Variants in PRIM2 observed in about 807,000 individuals in gnomAD.
The protein encoded by PRIM2 is DNA primase large subunit.
Under a neutral mutation model 67.3 loss-of-function variants are expected in PRIM2, and 39 were observed. The ratio of observed to expected loss-of-function variants is 0.58; its 90% CI spans 0.45 to 0.76. PRIM2 has a LOEUF of 0.76. Ranked by LOEUF, PRIM2 falls within the 30% of genes least tolerant of loss-of-function variation. PRIM2 has a pLI of 0.00. For missense variants in PRIM2, 398 were observed against 598.7 expected, an observed-to-expected ratio of 0.66 and a Z score of 3.50; for synonymous variants, 143 against 198.7, an observed-to-expected ratio of 0.72 and a Z score of 2.36.
intron 5 of PRIM2, among the ~76,000 whole-genome samples, chr6:57,373,623 AT>A (rs1368341782): frequency 1.2e-4 from 19 of 152,108 alleles, no homozygotes; most frequent in African/African-American, 3.4e-4. Flanking sequence ...TGATTTTTGT[AT>A]ATGGTATAAG....
upstream of PRIM2, among the ~76,000 whole-genome samples, chr6:57,316,923 C>A (rs1020819235): frequency 1.3e-5 from 2 of 152,218 alleles, no homozygotes; most frequent in South Asian, 2.1e-4. Flanking sequence ...TTCTTTCATT[C>A]ATTCTAGTTC....
the PRIM2 span, among the ~76,000 whole-genome samples, chr6:57,292,316 A>T: frequency 6.6e-6 from 1 of 152,206 alleles, no homozygotes; most frequent in African/African-American, 2.4e-5. Context: ...TTCAAGGACA[A>T]CTACAAACCA....
chr6:57,629,352 CG>C (rs1409114106), intron 12 of PRIM2, among the ~76,000 whole-genome samples: 1 of 152,040 alleles, frequency 6.6e-6, no homozygotes, highest in African/African-American at 2.4e-5. Flanking sequence ...GTGGCTACTG[CG>C]TGATATTTTG....
intron 12 of PRIM2, among the ~76,000 whole-genome samples, chr6:57,607,479 GA>G (rs1170423834): frequency 2.6e-5 from 4 of 152,200 alleles, no homozygotes; most frequent in Non-Finnish European, 4.4e-5. Flanking sequence ...ACCCTTTATG[GA>G]AGAGATGCCC....
upstream of PRIM2, among the ~76,000 whole-genome samples, chr6:57,311,356 G>A (rs1249635726): frequency 8.0e-5 from 12 of 150,052 alleles, no homozygotes; most frequent in African/African-American, 3.0e-4. Flanking sequence ...CCTCCCAGAC[G>A]GGGCGGCGGG....
chr6:57,324,148 C>T (rs1767758069), intron 3 of PRIM2, 53 bp from the exon 4 acceptor site: 2 of 1,005,992 alleles, frequency 2.0e-6, no homozygotes, highest in East Asian at 2.5e-5. Context: ...TATTTCCTTA[C>T]ACCTCTTACC....
chr6:57,573,924 T>G (rs1241490494), intron 10 of PRIM2, among the ~76,000 whole-genome samples: 3 of 152,038 alleles, frequency 2.0e-5, no homozygotes, highest in African/African-American at 7.3e-5. Context: ...CTGCTATGGC[T>G]TTGGAGAAAT....
At chr6:57,565,046 C>G (rs1232472008) in intron 10 of PRIM2, among the ~76,000 whole-genome samples, 14 of 152,052 alleles carry the variant, frequency 9.2e-5, no homozygotes, top group Non-Finnish European at 5.9e-5. Context: ...TTCTTTATTC[C>G]TTTTTCAAAC....
chr6:57,467,115 AAAAAAG>A (rs1230681546), intron 7 of PRIM2, among the ~76,000 whole-genome samples: 3 of 149,866 alleles, frequency 2.0e-5, no homozygotes, highest in African/African-American at 7.3e-5. Flanking sequence ...CAAAAAAAAA[AAAAAAG>A]AAAAGAAAAA....
At chr6:57,611,162 C>T (rs1432792383) in intron 12 of PRIM2, among the ~76,000 whole-genome samples, 3 of 152,190 alleles carry the variant, frequency 2.0e-5, no homozygotes, top group Non-Finnish European at 4.4e-5. Context: ...AATTCTATTT[C>T]TATTTCTTAC....
the PRIM2 span, among the ~76,000 whole-genome samples, chr6:57,278,055 G>A: frequency 6.5e-4 from 99 of 151,946 alleles, no homozygotes; most frequent in African/African-American, 2.2e-3. Context: ...AGCTGGGCAC[G>A]GTAGCTCATG....
At chr6:57,496,905 A>G (rs1461981905) in intron 7 of PRIM2, among the ~76,000 whole-genome samples, 3 of 152,188 alleles carry the variant, frequency 2.0e-5, no homozygotes, top group Admixed American at 1.3e-4. Context: ...AAGATCCAGA[A>G]TTGTCTCAGC....
At chr6:57,309,201 A>C in the PRIM2 span, among the ~76,000 whole-genome samples, 1 of 150,946 alleles carries the variant, frequency 6.6e-6, no homozygotes, top group African/African-American at 2.4e-5. Flanking sequence ...CAGGTTAGTT[A>C]CATATGTATA....
intron 10 of PRIM2, among the ~76,000 whole-genome samples, chr6:57,590,187 A>G (rs1776261073): frequency 6.6e-6 from 1 of 152,116 alleles, no homozygotes; most frequent in Admixed American, 6.5e-5. Flanking sequence ...GGATATTGGA[A>G]TCACTCACCA....
chr6:57,555,623 T>C (rs1175636492), intron 10 of PRIM2, among the ~76,000 whole-genome samples: 1 of 152,172 alleles, frequency 6.6e-6, no homozygotes, highest in East Asian at 1.9e-4. Flanking sequence ...AAATTCACCA[T>C]ATAAAAATAG....
intron 7 of PRIM2, among the ~76,000 whole-genome samples, chr6:57,500,262 C>G (rs1249877406): frequency 6.6e-5 from 10 of 152,116 alleles, no homozygotes; most frequent in African/African-American, 2.4e-4. Context: ...ACCTCTTTGC[C>G]TCTAGTTTAG....
intron 10 of PRIM2, among the ~76,000 whole-genome samples, chr6:57,594,488 T>G (rs1306240704): frequency 6.6e-6 from 1 of 152,218 alleles, no homozygotes; most frequent in East Asian, 1.9e-4. Context: ...TTGGATCTGA[T>G]CCAGTCAGAT....
At chr6:57,460,286 A>G (rs1381243634) in intron 7 of PRIM2, among the ~76,000 whole-genome samples, 6 of 152,300 alleles carry the variant, frequency 3.9e-5, no homozygotes, top group Admixed American at 3.9e-4. Context: ...CCAACAGAAA[A>G]GTTAGGAACA....
chr6:57,336,958 G>A (rs1305467779), intron 5 of PRIM2, among the ~76,000 whole-genome samples: 2 of 152,070 alleles, frequency 1.3e-5, no homozygotes, highest in Admixed American at 6.5e-5. Context: ...CTGTATTCAG[G>A]AAACCCATCT....
Sources: gnomAD v4.1 joint callset for allele counts (sites outside exome capture counted in the v4.1 genomes callset) on GRCh38, gnomAD v4.1.1 for gene constraint, MANE v1.5 for transcripts, NCBI Gene and HGNC (gene_info 2026-07-23, HGNC 2026-07-21) for gene names.